Variants in NBPF26 observed in about 807,000 individuals in gnomAD.
The protein encoded by NBPF26 is NBPF member 26.
Under a neutral mutation model 119.6 loss-of-function variants are expected in NBPF26, and 79 were observed. The ratio of observed to expected loss-of-function variants is 0.66; its 90% CI spans 0.55 to 0.80. The LOEUF (loss-of-function observed/expected upper bound fraction) is 0.80. Ranked by LOEUF, NBPF26 falls within the 30% of genes least tolerant of loss-of-function variation. The pLI is 0.00. For synonymous variants in NBPF26, 299 were observed against 457.7 expected, an observed-to-expected ratio of 0.65 and a Z score of 4.43; for missense variants, 800 against 1,198.2, an observed-to-expected ratio of 0.67 and a Z score of 4.91.
rs1177031452 is a variant in NBPF26 at position 120,823,752 on chromosome 1, C to CTGTGTGTGTGTGTGTGTG, written c.2640-200_2640-183dup. On this transcript the variant is annotated intron_variant, in intron 17 of 29. Transcript: ENST00000620612. ...ACCTGACCAATTCACTGAGCTCGCTCTGTGTGTGTGTGTGTGTGTGTGTGT... is the reference window on the plus strand; with the variant it reads ...ACCTGACCAATTCACTGAGCTCGCTCTGTGTGTGTGTGTGTGTGTGTGTGTGTGTGTGTGTGTGTGTGT... 8.7e-4 allele frequency among the ~76,000 whole-genome samples: 64 copies of CTGTGTGTGTGTGTGTGTG among 73,358 alleles called. 1 individual carries two copies. Among genetic ancestry groups the CTGTGTGTGTGTGTGTGTG allele is most frequent in the African/African-American group, 2.4e-3 (21 of 8,854 alleles). 48.1% of individuals were successfully genotyped at this position (73,358 alleles called of 152,430 possible). A position where few individuals can be genotyped will look rare whatever the true frequency, so the allele number is the denominator to read the frequency against.
Position 120,778,302 on chromosome 1 carries a change from T to C in NBPF26, c.156-6672T>C, listed in dbSNP as rs1436592089. Among the ~76,000 whole-genome samples the C allele has an allele frequency of 7.5e-5, 5 of 66,882 alleles. 1 individual carries two copies. Among genetic ancestry groups the C allele is most frequent in the Non-Finnish European group, 1.3e-4 (5 of 39,796 alleles). 43.9% of individuals were successfully genotyped at this position (66,882 alleles called of 152,430 possible). On this transcript the variant is annotated intron_variant, in intron 2 of 29. Transcript: ENST00000620612. ...AGCTAGGGCAGGCTGCCACTGCGGATTGGGGGGCCAAGAGGCCCAGCGCAA... is the reference window on the plus strand; with the variant it reads ...AGCTAGGGCAGGCTGCCACTGCGGACTGGGGGGCCAAGAGGCCCAGCGCAA...
rs1651482694 is a variant in NBPF26 at position 120,790,690 on chromosome 1, CTT to C, written c.416-2470_416-2469del. Among the ~76,000 whole-genome samples, 2 of 110,704 alleles carry C rather than the reference CTT, an allele frequency of 1.8e-5. 1 individual carries two copies. Among genetic ancestry groups the C allele is most frequent in the Non-Finnish European group, 3.4e-5 (2 of 59,034 alleles). The allele number at this position is 110,704 out of a possible 152,430, so 72.6% of individuals were successfully genotyped here. On this transcript the variant is annotated intron_variant, in intron 3 of 29. Transcript: ENST00000620612. ...TCTCGGCTCACTGCAACCTCCACCT[CTT>C]GGGTTCGAGTGATTCTTGTGCCTCA...
rs1486152756 is a variant in NBPF26, at chr1:120,784,750, A to T, written c.156-224A>T. Among the ~76,000 whole-genome samples the T allele has an allele frequency of 6.8e-5, 8 of 117,912 alleles. 2 individuals are homozygous for T. Among genetic ancestry groups the T allele is most frequent in the Admixed American group, 4.0e-4 (5 of 12,356 alleles). The allele number at this position is 117,912 out of a possible 152,430, so 77.4% of individuals were successfully genotyped here. A position where few individuals can be genotyped will look rare whatever the true frequency, so the allele number is the denominator to read the frequency against. On this transcript the variant is annotated intron_variant, in intron 2 of 29. Transcript: ENST00000620612. ...TTCAGCTATTAGAATGTAAACTCCA[A>T]GAGTGTAAGAATTTTTCTGCCAGGA...
intron 2 of NBPF26, among the ~76,000 whole-genome samples, chr1:120,767,988 C>T (rs1296983260): frequency 8.7e-6 from 1 of 115,316 alleles, no homozygotes; most frequent in South Asian, 2.5e-4. Context: ...TATGACTTCC[C>T]TTTACTTTAC....
intron 10 of NBPF26, among the ~76,000 whole-genome samples, chr1:120,812,921 A>AAAT (rs1209954653): frequency 0.018 from 2,025 of 111,308 alleles, 225 homozygotes; most frequent in East Asian, 0.047. Flanking sequence ...AGACTGCTAA[A>AAAT]AATAATAATA....
At chr1:120,817,367 A>C (rs1288871384) in intron 14 of NBPF26, among the ~76,000 whole-genome samples, 1 of 60,124 alleles carries the variant, frequency 1.7e-5, no homozygotes, top group African/African-American at 1.3e-4. Flanking sequence ...CTGGTTCTCC[A>C]CCCTGTCAAT....
Position 120,822,945 on chromosome 1 carries a change from C to T in NBPF26, c.2588-364C>T, listed in dbSNP as rs1229653569. On this transcript the variant is annotated intron_variant, in intron 16 of 29. Coordinates refer to ENST00000620612, the Ensembl canonical transcript of NBPF26. ...ATCTCTGTGTCCACAATCTCATAAACTATCAAATTCTGGGTATTTAATGAG... is the reference window on the plus strand; with the variant it reads ...ATCTCTGTGTCCACAATCTCATAAATTATCAAATTCTGGGTATTTAATGAG... Among the ~76,000 whole-genome samples the T allele has an allele frequency of 1.6e-5, 2 of 125,846 alleles. 1 individual carries two copies. The highest frequency in any genetic ancestry group is 7.6e-5 in the African/African-American group (2 of 26,316). 82.6% of individuals were successfully genotyped at this position (125,846 alleles called of 152,430 possible).
At position 120,724,469 on chromosome 1, in the gene NBPF26, G is replaced by A. The variant is rs1332115162; in HGVS notation, c.73+219G>A. On this transcript the variant is annotated intron_variant, in intron 1 of 29. Coordinates refer to ENST00000620612, the Ensembl canonical transcript of NBPF26. ...GTTCCCCGCCGCCTCTGCTCCCCGC[G>A]GCCCGGGACCCCTCACACGCCTCCT... is the stretch of plus-strand genomic sequence containing the variant. Among the ~76,000 whole-genome samples, 4 of 121,314 alleles carry A rather than the reference G, an allele frequency of 3.3e-5. 2 individuals carry two copies. Among genetic ancestry groups the A allele is most frequent in the African/African-American group, 1.8e-4 (4 of 22,322 alleles). 79.6% of individuals were successfully genotyped at this position (121,314 alleles called of 152,430 possible). A position where few individuals can be genotyped will look rare whatever the true frequency, so the allele number is the denominator to read the frequency against.
At chr1:120,783,953 G>A (rs1373678347) in intron 2 of NBPF26, among the ~76,000 whole-genome samples, 3 of 108,320 alleles carry the variant, frequency 2.8e-5, no homozygotes, top group Non-Finnish European at 5.2e-5. Context: ...GAAAGTCATT[G>A]TTTTTAGAAA....
At position 120,727,394 on chromosome 1, in the gene NBPF26, C is replaced by T. The variant is rs1650827202; in HGVS notation, c.73+3144C>T. ...TCATTCCAGTGTTTAACGCTTCTGA[C>T]TCAAGAATTTTAAAATTGCTAACAT... is the stretch of plus-strand genomic sequence containing the variant. On this transcript the variant is annotated intron_variant, in intron 1 of 29. Coordinates refer to ENST00000620612, the Ensembl canonical transcript of NBPF26. Among the ~76,000 whole-genome samples the T allele has an allele frequency of 1.7e-5, 2 of 116,094 alleles. 1 individual carries two copies. Among genetic ancestry groups the T allele is most frequent in the Non-Finnish European group, 3.3e-5 (2 of 60,844 alleles). The allele number at this position is 116,094 out of a possible 152,430, so 76.2% of individuals were successfully genotyped here. A position where few individuals can be genotyped will look rare whatever the true frequency, so the allele number is the denominator to read the frequency against.
At position 120,778,354 on chromosome 1, in the gene NBPF26, C is replaced by T. The variant is rs1221105627; in HGVS notation, c.156-6620C>T. The stretch of plus-strand genomic sequence containing the variant: ...AAGAAAGTGGGTTGAAAGCAGAGTT[C>T]TGTTCAAAGAATTTTCTGCTGGAAA... On this transcript the variant is annotated intron_variant, in intron 2 of 29. Transcript: ENST00000620612. Among the ~76,000 whole-genome samples the T allele has an allele frequency of 7.1e-5, 7 of 98,500 alleles. 1 individual carries two copies. Among genetic ancestry groups the T allele is most frequent in the Non-Finnish European group, 1.3e-4 (7 of 54,522 alleles). 64.6% of individuals were successfully genotyped at this position (98,500 alleles called of 152,430 possible). A position where few individuals can be genotyped will look rare whatever the true frequency, so the allele number is the denominator to read the frequency against.
At chr1:120,818,863 T>A (rs1389234931) in intron 15 of NBPF26, among the ~76,000 whole-genome samples, 1 of 114,270 alleles carries the variant, frequency 8.8e-6, no homozygotes, top group Non-Finnish European at 1.7e-5. Flanking sequence ...GTGATTTCCA[T>A]TCTTTTACAT....
chr1:120,777,275 A>G (rs1325819004), intron 2 of NBPF26, among the ~76,000 whole-genome samples: 1 of 21,048 alleles, frequency 4.8e-5, no homozygotes, highest in Non-Finnish European at 7.4e-5. Flanking sequence ...GAAACTTTTA[A>G]TTTGGAAGCA....
intron 14 of NBPF26, 26 bp downstream of exon 14, chr1:120,816,853 A>G (rs1652018575): frequency 6.9e-7 from 1 of 1,450,390 alleles, no homozygotes; most frequent in Admixed American, 1.9e-5. Flanking sequence ...CTTGTGTCTC[A>G]TACCTCTTTC....
exon 30 of NBPF26, chr1:120,840,351 C>T (rs2101557300): frequency 1.4e-6 from 2 of 1,448,020 alleles, no homozygotes; most frequent in South Asian, 1.2e-5. Context: ...CTTTTGCAGG[C>T]TCAACAGCAT....
In NBPF26 at chr1:120,784,008, G is replaced by A. The variant is rs1419650714; in HGVS notation, c.156-966G>A. On this transcript the variant is annotated intron_variant, in intron 2 of 29. Transcript: ENST00000620612. ...TAGAATTAAAGTTTTGTTGCAGAGGGATAAGTAAGAAGTAGATGGAAAAGA... is the reference window on the plus strand; with the variant it reads ...TAGAATTAAAGTTTTGTTGCAGAGGAATAAGTAAGAAGTAGATGGAAAAGA... 3.3e-4 allele frequency among the ~76,000 whole-genome samples: 37 copies of A among 112,710 alleles called. 6 individuals are homozygous for A. The East Asian group carries it at 7.6e-3, about 23-fold the overall frequency. The allele number at this position is 112,710 out of a possible 152,430, so 73.9% of individuals were successfully genotyped here. A position where few individuals can be genotyped will look rare whatever the true frequency, so the allele number is the denominator to read the frequency against.
chr1:120,819,054 G>T (rs1363528944), intron 15 of NBPF26, among the ~76,000 whole-genome samples: 1 of 122,558 alleles, frequency 8.2e-6, no homozygotes, highest in Non-Finnish European at 1.7e-5. Context: ...CTGTCTCATT[G>T]ATCTGTTTAA....
intron 1 of NBPF26, among the ~76,000 whole-genome samples, chr1:120,754,789 A>G (rs1280610825): frequency 8.7e-6 from 1 of 115,566 alleles, no homozygotes; most frequent in Non-Finnish European, 1.7e-5. Context: ...GGAACTTTCA[A>G]AACTGTTTCA....
chr1:120,820,473 T>C (rs1232318942), intron 15 of NBPF26, among the ~76,000 whole-genome samples: 14 of 26,624 alleles, frequency 5.3e-4, no homozygotes, highest in East Asian at 3.8e-3. Flanking sequence ...TATATATATA[T>C]ATATATATAT....
Sources: allele counts gnomAD v4.1 joint callset (sites outside exome capture counted in the v4.1 genomes callset), GRCh38; gene constraint gnomAD v4.1.1; transcripts MANE v1.5; gene names NCBI Gene and HGNC (gene_info 2026-07-23, HGNC 2026-07-21).